Variants in LRP1B observed in about 807,000 individuals in gnomAD.
LRP1B encodes LDL receptor related protein 1B.
LRP1B carries 217 observed loss-of-function variants against 556.6 expected under a neutral mutation model. That is an observed-to-expected ratio of 0.39 (90% CI 0.35 to 0.44). LRP1B has a LOEUF of 0.44. LRP1B is among the 20% of genes least tolerant of loss of function. The pLI is 1.00. For missense variants in LRP1B, 5,053 were observed against 5,620.8 expected, an observed-to-expected ratio of 0.90 and a Z score of 3.23; for synonymous variants, 2,047 against 1,865.8, an observed-to-expected ratio of 1.10 and a Z score of -2.50.
At chr2:140,693,137 T>G (rs1235433815) in intron 41 of LRP1B, among the ~76,000 whole-genome samples, 1 of 152,202 alleles carries the variant, frequency 6.6e-6, no homozygotes, top group Non-Finnish European at 1.5e-5. Context: ...TTAATTGTTT[T>G]TTATTGGTAA....
chr2:141,968,600 A>G (rs556980196), intron 1 of LRP1B, among the ~76,000 whole-genome samples: 2 of 151,914 alleles, frequency 1.3e-5, no homozygotes, highest in South Asian at 4.1e-4. Flanking sequence ...CAGAGTACAC[A>G]TGAAAAAAAA....
rs563053761 is a variant in LRP1B at position 141,286,602 on chromosome 2, T to C, written c.344-31961A>G. On this transcript the variant is annotated intron_variant, in intron 3 of 90. Transcript: ENST00000389484. ...GTCATTTTGCTCAGAGTTTTCTTTT[T>C]GGGAAGATCTGAAATAACAAATTTA... Among the ~76,000 whole-genome samples the C allele has an allele frequency of 2.0e-5, 3 of 152,352 alleles. No individual in the cohort carries two copies. The East Asian group carries it at 5.8e-4, about 29-fold the overall frequency.
intron 1 of LRP1B, among the ~76,000 whole-genome samples, chr2:141,951,170 T>C (rs1701094328): frequency 6.6e-6 from 1 of 152,180 alleles, no homozygotes; most frequent in Admixed American, 6.5e-5. Context: ...TCTATGATCA[T>C]TCCTTTATAT....
chr2:140,379,158 G>A (rs746112552), intron 67 of LRP1B, among the ~76,000 whole-genome samples: 39 of 152,088 alleles, frequency 2.6e-4, no homozygotes, highest in Admixed American at 3.9e-4. Flanking sequence ...AGACCTCTTC[G>A]TGTTTTCTCT....
At chr2:140,340,495 CTCCT>C (rs772483539) in intron 77 of LRP1B, among the ~76,000 whole-genome samples, 4 of 151,398 alleles carry the variant, frequency 2.6e-5, no homozygotes, top group African/African-American at 9.7e-5. Context: ...CGATATTATT[CTCCT>C]TCCTTATTTC....
At chr2:140,372,926 G>C in intron 69 of LRP1B, 82 bp downstream of exon 69, 3 of 1,465,340 alleles carry the variant, frequency 2.0e-6, no homozygotes, top group Non-Finnish European at 2.8e-6. Context: ...ATTTGCCACT[G>C]TTTTCTGCAT....
chr2:141,029,247 G>A (rs1180053044), intron 11 of LRP1B, among the ~76,000 whole-genome samples: 1 of 152,094 alleles, frequency 6.6e-6, no homozygotes, highest in Non-Finnish European at 1.5e-5. Flanking sequence ...GTCATTGCGT[G>A]GAACCCTTAT....
intron 1 of LRP1B, among the ~76,000 whole-genome samples, chr2:141,836,881 T>A (rs1215139214): frequency 6.6e-6 from 1 of 152,022 alleles, no homozygotes; most frequent in African/African-American, 2.4e-5. Context: ...TATCTTTAGA[T>A]CCTATGACAA....
At chr2:141,393,310 C>T (rs1041097979) in intron 3 of LRP1B, among the ~76,000 whole-genome samples, 1 of 152,044 alleles carries the variant, frequency 6.6e-6, no homozygotes, top group East Asian at 1.9e-4. Context: ...CTAACAGCAC[C>T]GCAATGTGAG....
intron 1 of LRP1B, among the ~76,000 whole-genome samples, chr2:142,086,296 G>C (rs1705919328): frequency 6.6e-6 from 1 of 152,108 alleles, no homozygotes. Flanking sequence ...CTGTGGCTGT[G>C]GTGTTGGACA....
intron 23 of LRP1B, chr2:140,898,502 C>T: frequency 4.2e-6 from 1 of 236,390 alleles, no homozygotes; most frequent in South Asian, 5.3e-5. Flanking sequence ...CGTGGGCTGA[C>T]CAAGTTCTCC....
chr2:140,233,082 G>T lies in LRP1B; in HGVS notation c.*104C>A. 1.5e-6 allele frequency: 1 copy of T among 678,634 alleles called. No individual in the cohort carries two copies. The allele number at this position is 678,634 out of a possible 1,614,324, so 42.0% of individuals were successfully genotyped here. Reference sequence around the variant, plus strand: ...AACAATTAACCAGGAAAAAGATAAAGAAAGAGGTAATGCTGATGCCAAAAC... The same window carrying T: ...AACAATTAACCAGGAAAAAGATAAATAAAGAGGTAATGCTGATGCCAAAAC... On this transcript the variant is annotated 3_prime_UTR_variant, in exon 91 of 91. Transcript: ENST00000389484.
chr2:141,879,265 T>C (rs557906319), intron 1 of LRP1B, among the ~76,000 whole-genome samples: 2 of 151,818 alleles, frequency 1.3e-5, no homozygotes, highest in African/African-American at 2.4e-5. Flanking sequence ...ACACATATGA[T>C]TCTGATATCT....
chr2:140,532,336 C>A (rs1251561966), intron 47 of LRP1B, among the ~76,000 whole-genome samples: 1 of 151,916 alleles, frequency 6.6e-6, no homozygotes, highest in African/African-American at 2.4e-5. Flanking sequence ...GCACAAAATG[C>A]ACCTTCATGC....
chr2:141,648,851 C>T (rs1558779574), intron 2 of LRP1B, among the ~76,000 whole-genome samples: 1 of 152,192 alleles, frequency 6.6e-6, no homozygotes, highest in South Asian at 2.1e-4. Context: ...TCTTTGAATC[C>T]ATTCTGGTCA....
intron 1 of LRP1B, among the ~76,000 whole-genome samples, chr2:142,053,652 T>G (rs1264525708): frequency 6.6e-6 from 1 of 152,190 alleles, no homozygotes; most frequent in African/African-American, 2.4e-5. Context: ...GAAAGGCAGT[T>G]GGATTTATAC....
chr2:140,981,761 T>C (rs1419067764), intron 18 of LRP1B, among the ~76,000 whole-genome samples: 1 of 152,118 alleles, frequency 6.6e-6, no homozygotes, highest in Non-Finnish European at 1.5e-5. Context: ...GAAGATAACA[T>C]ATACATGCCA....
At chr2:141,073,886 A>G (rs952670694) in intron 7 of LRP1B, among the ~76,000 whole-genome samples, 1 of 151,842 alleles carries the variant, frequency 6.6e-6, no homozygotes, top group Non-Finnish European at 1.5e-5. Flanking sequence ...TCTTTCCTAA[A>G]CCAAGTAACA....
chr2:141,178,323 G>A (rs1027615209), intron 7 of LRP1B, among the ~76,000 whole-genome samples: 2 of 152,048 alleles, frequency 1.3e-5, no homozygotes, highest in East Asian at 1.9e-4. Context: ...CTTCTCGATC[G>A]CCAGAGCAGT....
Sources: allele counts gnomAD v4.1 joint callset (sites outside exome capture counted in the v4.1 genomes callset), GRCh38; gene constraint gnomAD v4.1.1; transcripts MANE v1.5; gene names NCBI Gene and HGNC (gene_info 2026-07-23, HGNC 2026-07-21).